DNAAF11: variants seen among roughly 807,000 people sequenced by gnomAD.
The protein encoded by DNAAF11 is leucine rich repeat containing 6.
In DNAAF11, 45 loss-of-function variants were observed where a neutral mutation model predicts 60.8. That is an observed-to-expected ratio of 0.74 (90% CI 0.58 to 0.95). DNAAF11 has a LOEUF of 0.95. DNAAF11 is among the 40% of genes least tolerant of loss of function. The pLI is 0.00. For synonymous variants in DNAAF11, 191 were observed against 183.5 expected (o/e 1.04, Z -0.33); for missense variants, 546 against 546.2 (o/e 1.00, Z 0.00).
Position 132,638,076 on chromosome 8 carries a change from A to G in DNAAF11, c.288T>C (p.Thr96=). 7 of 1,614,114 alleles carry G rather than the reference A, an allele frequency of 4.3e-6. No individual in the cohort carries two copies. The highest frequency in any genetic ancestry group is 5.9e-6 in the Non-Finnish European group (7 of 1,179,992). ...TGCTCAGCTCTCCAATGAAATTCAC[A>G]GTCAGGTCAAGTTTTGCCAGCTCTT... The part of the protein sequence containing the change: ...GCEELAKLDL[T]VNFIGELSSI... The change falls in exon 4 of 12, where the codon ACT becomes ACC. Residue 96 remains threonine, a synonymous_variant. Coordinates refer to ENST00000620350, the MANE Select transcript of DNAAF11 (RefSeq NM_012472.6).
the DNAAF11 span, among the ~76,000 whole-genome samples, chr8:132,694,310 G>T: frequency 6.6e-6 from 1 of 152,162 alleles, no homozygotes. Flanking sequence ...TGAAATTAAG[G>T]TAAGATCATC....
At chr8:132,617,137 C>A (rs1819245148) in intron 7 of DNAAF11, among the ~76,000 whole-genome samples, 1 of 152,078 alleles carries the variant, frequency 6.6e-6, no homozygotes, top group Admixed American at 6.6e-5. Flanking sequence ...ATATTCTTAA[C>A]AACATAACTG....
At chr8:132,630,130 TG>T in intron 5 of DNAAF11, among the ~76,000 whole-genome samples, 1 of 152,236 alleles carries the variant, frequency 6.6e-6, no homozygotes, top group African/African-American at 2.4e-5. Context: ...TTAAGGAATT[TG>T]ATTAGCAGCG....
chr8:132,581,125 T>C (rs1410302054), intron 11 of DNAAF11, among the ~76,000 whole-genome samples: 1 of 152,212 alleles, frequency 6.6e-6, no homozygotes, highest in Non-Finnish European at 1.5e-5. Context: ...TGTCATACTT[T>C]AAACAAACTT....
chr8:132,626,426 A>G (rs1422004953), intron 5 of DNAAF11, among the ~76,000 whole-genome samples: 1 of 152,202 alleles, frequency 6.6e-6, no homozygotes, highest in Non-Finnish European at 1.5e-5. Context: ...TTACATGGTA[A>G]CAGTTCTCTC....
At chr8:132,580,703 A>G (rs1815236565) in intron 11 of DNAAF11, among the ~76,000 whole-genome samples, 1 of 152,232 alleles carries the variant, frequency 6.6e-6, no homozygotes, top group Admixed American at 6.5e-5. Flanking sequence ...GATACCAAAT[A>G]AGATCAAAAA....
intron 1 of DNAAF11, among the ~76,000 whole-genome samples, chr8:132,670,003 C>G (rs1349338446): frequency 6.9e-6 from 1 of 144,140 alleles, no homozygotes; most frequent in African/African-American, 2.5e-5. Flanking sequence ...TTGCAGGATA[C>G]AGCTAAAACA....
chr8:132,694,031 G>C, the DNAAF11 span, among the ~76,000 whole-genome samples: 2 of 152,202 alleles, frequency 1.3e-5, no homozygotes, highest in African/African-American at 4.8e-5. Flanking sequence ...TATGTTGACA[G>C]TATGCTCTAG....
the DNAAF11 span, among the ~76,000 whole-genome samples, chr8:132,698,766 C>G: frequency 2.6e-5 from 4 of 151,994 alleles, no homozygotes; most frequent in African/African-American, 9.7e-5. Context: ...CAACAAAAAT[C>G]ACACACCACA....
the DNAAF11 span, among the ~76,000 whole-genome samples, chr8:132,682,080 A>G: frequency 6.6e-6 from 1 of 152,210 alleles, no homozygotes; most frequent in Non-Finnish European, 1.5e-5. Flanking sequence ...ACAAATTATT[A>G]TACATTCTTT....
At chr8:132,656,731 CA>C in intron 3 of DNAAF11, 98 bp downstream of exon 3, 1 of 568,150 alleles carries the variant, frequency 1.8e-6, no homozygotes, top group Non-Finnish European at 3.2e-6. Context: ...CTTGGCCTCC[CA>C]AAGTGCTGGG....
intron 4 of DNAAF11, 118 bp from the exon 5 acceptor site, chr8:132,633,081 T>C (rs146938581): frequency 2.1e-4 from 127 of 611,720 alleles, no homozygotes; most frequent in Admixed American, 1.9e-3. Flanking sequence ...ATTAAAACAA[T>C]ATAATTAATG....
chr8:132,643,419 G>A (rs1347971669), intron 3 of DNAAF11: 1 of 331,466 alleles, frequency 3.0e-6, no homozygotes, highest in Non-Finnish European at 6.0e-6. Flanking sequence ...GACCAGCTTG[G>A]AAGAAGGCAG....
chr8:132,683,927 C>T, the DNAAF11 span, among the ~76,000 whole-genome samples: 1 of 152,152 alleles, frequency 6.6e-6, no homozygotes, highest in Non-Finnish European at 1.5e-5. Context: ...TAAGTCTTCT[C>T]TTTAGGGAAC....
intron 11 of DNAAF11, 61 bp from the exon 12 acceptor site, chr8:132,572,541 A>G: frequency 7.9e-7 from 1 of 1,264,290 alleles, no homozygotes; most frequent in Non-Finnish European, 1.1e-6. Flanking sequence ...TTTCAAACAG[A>G]TTCAACTCAC....
intron 3 of DNAAF11, among the ~76,000 whole-genome samples, chr8:132,640,663 T>G (rs1821762780): frequency 6.6e-6 from 1 of 152,162 alleles, no homozygotes; most frequent in South Asian, 2.1e-4. Context: ...CCAGAGACCT[T>G]AACTCCTAAA....
intron 5 of DNAAF11, 139 bp from the exon 6 acceptor site, chr8:132,625,593 T>G: frequency 1.5e-6 from 1 of 675,388 alleles, no homozygotes; most frequent in Non-Finnish European, 2.4e-6. Flanking sequence ...GAAAGACAGT[T>G]TAACCAGGCC....
intron 3 of DNAAF11, 24 bp downstream of exon 3, chr8:132,656,806 G>C (rs1823618899): frequency 9.9e-7 from 1 of 1,005,670 alleles, no homozygotes; most frequent in East Asian, 2.5e-5. Flanking sequence ...ATTCATAATA[G>C]CATAATAGAA....
chr8:132,669,940 CAAAAAA>C (rs35402875), intron 1 of DNAAF11, among the ~76,000 whole-genome samples: 3 of 69,774 alleles, frequency 4.3e-5, no homozygotes, highest in Admixed American at 1.8e-4. Context: ...GACTCCGTCT[CAAAAAA>C]AAAAAAAAAA....
Sources: allele counts gnomAD v4.1 joint callset (sites outside exome capture counted in the v4.1 genomes callset), GRCh38; gene constraint gnomAD v4.1.1; transcripts MANE v1.5; gene names NCBI Gene and HGNC (gene_info 2026-07-23, HGNC 2026-07-21).